WNT5B: variants seen among roughly 807,000 people sequenced by gnomAD.
WNT5B encodes protein Wnt-5b.
A neutral mutation model predicts 36.5 loss-of-function variants in WNT5B; 18 were observed. The ratio of observed to expected loss-of-function variants is 0.49; its 90% confidence interval spans 0.34 to 0.73. The LOEUF is 0.73. Ranked by LOEUF, WNT5B falls within the 30% of genes least tolerant of loss-of-function variation. The pLI is 0.01. For missense variants in WNT5B, 424 were observed against 508.4 expected (o/e 0.83, Z 1.60); for synonymous variants, 213 against 212.3 (o/e 1.00, Z -0.03).
chr12:1,626,198 A>G (rs2154439389), upstream of WNT5B, among the ~76,000 whole-genome samples: 1 of 152,036 alleles, frequency 6.6e-6, no homozygotes. Context: ...GGCTCAAGCA[A>G]GCCTCCCACC....
chr12:1,624,894 G>C (rs1047836318), upstream of WNT5B, among the ~76,000 whole-genome samples: 1 of 152,054 alleles, frequency 6.6e-6, no homozygotes, highest in Non-Finnish European at 1.5e-5. Context: ...CGAAGAGGTT[G>C]AGACCTCTTC....
intron 4 of WNT5B, among the ~76,000 whole-genome samples, chr12:1,643,815 CAT>C (rs200027802): frequency 0.018 from 2,501 of 136,730 alleles, 29 homozygotes; most frequent in Middle Eastern, 0.03. Context: ...TGTATATATA[CAT>C]ATATATATAT....
Position 1,630,635 on chromosome 12 carries a change from C to T in WNT5B, c.-57-663C>T, listed in dbSNP as rs772167426. On this transcript the variant is annotated intron_variant, in intron 1 of 4. Coordinates refer to ENST00000397196, the MANE Select transcript of WNT5B (RefSeq NM_032642.3). The surrounding 1 kb of genome is among the most constrained non-coding windows in gnomAD (Gnocchi z 5.3). ...CCGCCTAGGGAGGCACCACCTCAGC[C>T]GCCAGAGCTTTCCGGGCGGGCGGTT... Among the ~76,000 whole-genome samples the T allele has an allele frequency of 6.6e-6, 1 of 152,328 alleles. No individual in the cohort carries two copies. Among genetic ancestry groups the T allele is most frequent in the Non-Finnish European group, 1.5e-5 (1 of 68,026 alleles).
chr12:1,636,907 C>T (rs929342066), intron 3 of WNT5B, among the ~76,000 whole-genome samples: 6 of 152,088 alleles, frequency 3.9e-5, no homozygotes, highest in South Asian at 2.1e-4. Flanking sequence ...AGGGTTTCAC[C>T]ATGTTGGCCA....
At chr12:1,643,737 C>T (rs1319569607) in intron 4 of WNT5B, among the ~76,000 whole-genome samples, 3 of 114,126 alleles carry the variant, frequency 2.6e-5, no homozygotes, top group African/African-American at 6.7e-5. Flanking sequence ...GGCTGAAAAT[C>T]GGCATTTCCC....
rs1177418218 is a variant in WNT5B at position 1,630,540 on chromosome 12, C to A, written c.-57-758C>A. On this transcript the variant is annotated intron_variant, in intron 1 of 4. Coordinates refer to ENST00000397196, the MANE Select transcript of WNT5B (RefSeq NM_032642.3). This position sits in a 1 kb window ranked among gnomAD's most constrained non-coding sequence, Gnocchi z 5.3. ...AGCTGCCGCCTGGCGTCGGCAGTGT[C>A]CCCGGTGCAGCTGCTGGGCAAGGTA... Among the ~76,000 whole-genome samples the A allele has an allele frequency of 1.3e-5, 2 of 152,180 alleles. No individual in the cohort carries two copies. Among genetic ancestry groups the A allele is most frequent in the East Asian group, 3.8e-4 (2 of 5,196 alleles).
intron 4 of WNT5B, among the ~76,000 whole-genome samples, chr12:1,645,329 C>T (rs1243187613): frequency 1.3e-5 from 2 of 152,202 alleles, no homozygotes; most frequent in Non-Finnish European, 2.9e-5. Flanking sequence ...TCCTCAAATT[C>T]CTGGGCTCAA....
chr12:1,622,328 A>C (rs538294192), intron 1 of WNT5B, among the ~76,000 whole-genome samples: 33 of 152,228 alleles, frequency 2.2e-4, no homozygotes, highest in African/African-American at 7.9e-4. Flanking sequence ...TTTTCTGGGC[A>C]GGTTTTCTGT....
In WNT5B at chr12:1,643,753, C is replaced by G. The variant is rs138084924; in HGVS notation, c.622-2041C>G. Among the ~76,000 whole-genome samples the G allele has an allele frequency of 3.2e-3, 292 of 92,430 alleles. 2 individuals carry two copies. Among genetic ancestry groups the G allele is most frequent in the African/African-American group, 0.013 (283 of 21,210 alleles). The allele number at this position is 92,430 out of a possible 152,430, so 60.6% of individuals were successfully genotyped here. Reference sequence around the variant, plus strand: ...GCTGAAAATCGGCATTTCCCCCTATCGCCTACAAAAGGAGCCTATATATAT... The same window carrying G: ...GCTGAAAATCGGCATTTCCCCCTATGGCCTACAAAAGGAGCCTATATATAT... On this transcript the variant is annotated intron_variant, in intron 4 of 4. Coordinates refer to ENST00000397196, the MANE Select transcript of WNT5B (RefSeq NM_032642.3).
intron 4 of WNT5B, among the ~76,000 whole-genome samples, chr12:1,643,027 G>A (rs1381050692): frequency 6.6e-6 from 1 of 152,186 alleles, no homozygotes; most frequent in African/African-American, 2.4e-5. Context: ...ACTGAGTGAT[G>A]GCTGGGATGG....
In WNT5B at chr12:1,646,893, ATTC is replaced by A. The variant is rs2094586685; in HGVS notation, c.*645_*647del. The A allele has an allele frequency of 6.6e-6, 1 of 152,196 alleles. No homozygotes were observed. The highest frequency in any genetic ancestry group is 1.9e-4 in the East Asian group (1 of 5,184). 9.4% of individuals were successfully genotyped at this position (152,196 alleles called of 1,614,324 possible). On this transcript the variant is annotated 3_prime_UTR_variant, in exon 5 of 5. Transcript: ENST00000397196. ...CTTCAGGCCTGCCTTTCCAGCGAGA[ATTC>A]TTCATCCTCCACGGTTCACTAGCTC... is the stretch of plus-strand genomic sequence containing the variant.
chr12:1,631,237 C>A, intron 1 of WNT5B, 61 bp from the exon 2 acceptor site: 1 of 1,467,256 alleles, frequency 6.8e-7, no homozygotes. Flanking sequence ...CTCACCCCGG[C>A]TCCTGGTCTG....
chr12:1,634,906 T>C (rs1447210115), intron 3 of WNT5B, among the ~76,000 whole-genome samples: 1 of 152,208 alleles, frequency 6.6e-6, no homozygotes, highest in African/African-American at 2.4e-5. Context: ...CTGTCTCCTG[T>C]AGGGAAAAGA....
Position 1,619,651 on chromosome 12 carries a change from C to CA in WNT5B, c.-58+2518dup, listed in dbSNP as rs1279138137. ...ACAGAACTAAATAGTAATAACTGAC[C>CA]AAAAAAAAAAGTGAGACAGAGGGTG... is the stretch of plus-strand genomic sequence containing the variant. On this transcript the variant is annotated intron_variant, in intron 1 of 4. Coordinates refer to the WNT5B transcript ENST00000310594. Among the ~76,000 whole-genome samples the CA allele has an allele frequency of 6.6e-3, 963 of 146,786 alleles. 9 individuals carry two copies. The highest frequency in any genetic ancestry group is 0.023 in the African/African-American group (902 of 39,970).
At chr12:1,640,042 C>G (rs1409606299) in intron 4 of WNT5B, 66 bp downstream of exon 4, 4 of 1,516,962 alleles carry the variant, frequency 2.6e-6, no homozygotes, top group Non-Finnish European at 3.5e-6. Flanking sequence ...GGCTGTGCCA[C>G]CAGCCGTGGC....
chr12:1,632,345 A>G lies in WNT5B; in HGVS notation c.81-313A>G, dbSNP rs1291109689. 6.6e-6 allele frequency among the ~76,000 whole-genome samples: 1 copy of G among 152,102 alleles called. No homozygotes were observed. The highest frequency in any genetic ancestry group is 2.4e-5 in the African/African-American group (1 of 41,426). On this transcript the variant is annotated intron_variant, in intron 2 of 4. Transcript: ENST00000397196. The surrounding 1 kb of genome is among the most constrained non-coding windows in gnomAD (Gnocchi z 5.8). ...ACCCCCATTCTTAAGATCCAGTTCA[A>G]ATTCTGGCCATTTCCTTATAAAGGC... is the stretch of plus-strand genomic sequence containing the variant.
chr12:1,639,421 G>A (rs2094569250), intron 3 of WNT5B, among the ~76,000 whole-genome samples: 1 of 151,714 alleles, frequency 6.6e-6, no homozygotes, highest in Non-Finnish European at 1.5e-5. Flanking sequence ...TACGGGCTGA[G>A]CCACCGCGCC....
Position 1,632,772 on chromosome 12 carries a change from C to T in WNT5B, c.195C>T (p.Tyr65=), listed in dbSNP as rs972730694. The change falls in exon 3 of 5, where the codon TAC becomes TAT. Residue 65 remains tyrosine (Y), a synonymous_variant. Transcript: ENST00000397196. This position sits in a 1 kb window ranked among gnomAD's most constrained non-coding sequence, Gnocchi z 5.8. ...SPGQRKLCQL[Y]QEHMAYIGEG... ...GCCAGAGGAAGCTGTGCCAATTGTA[C>T]CAGGAGCACATGGCCTACATAGGGG... The T allele has an allele frequency of 1.2e-6, 2 of 1,614,018 alleles. No homozygotes were observed. Among genetic ancestry groups the T allele is most frequent in the Non-Finnish European group, 8.5e-7 (1 of 1,180,024 alleles).
intron 1 of WNT5B, among the ~76,000 whole-genome samples, chr12:1,620,929 T>C (rs79170695): frequency 2.8e-4 from 3 of 10,872 alleles, no homozygotes; most frequent in Non-Finnish European, 4.1e-4. Flanking sequence ...TCTTGATCTC[T>C]TGACCTCGTA....
Sources: gnomAD v4.1 joint callset for allele counts (sites outside exome capture counted in the v4.1 genomes callset) on GRCh38, gnomAD v4.1.1 for gene constraint, Gnocchi (gnomAD v3.1) non-coding constraint, MANE v1.5 for transcripts, NCBI Gene and HGNC (gene_info 2026-07-23, HGNC 2026-07-21) for gene names.